Variants in GBA2 observed in about 807,000 individuals in gnomAD.
GBA2 encodes glucosylceramidase beta 2, also known as non-lysosomal glucosylceramidase.
In GBA2, 79 loss-of-function variants were observed where a neutral mutation model predicts 112.9. That is an observed-to-expected ratio of 0.70 (90% CI 0.58 to 0.84). The LOEUF is 0.84. GBA2 is among the 40% of genes least tolerant of loss of function. The pLI, the probability that GBA2 is intolerant of heterozygous loss-of-function variation, is 0.00. For missense variants in GBA2, 1,043 were observed against 1,190.0 expected (o/e 0.88, Z 1.82); for synonymous variants, 403 against 434.3 (o/e 0.93, Z 0.90).
rs780552477 is a variant in GBA2 at position 35,737,911 on chromosome 9, G to T, written c.2342C>A (p.Ala781Asp). The change falls in exon 16 of 17, where the codon GCT becomes GAT. Residue 781 changes from alanine to aspartate, a missense_variant. Ala to Asp is a moderately radical substitution (Grantham distance 126). Transcript: ENST00000378103. The surrounding 1 kb of genome is among the most constrained non-coding windows in gnomAD (Gnocchi z 4.1). ...GTTCAGCTCAAAGATAGTTTGGAGA[G>T]CACGGACCACATGTTGGGTAGGAAA... ...EVFPTQHVVRALQTIFELNVQ... is the reference protein window; with the variant it reads ...EVFPTQHVVRDLQTIFELNVQ... The T allele has an allele frequency of 6.2e-7, 1 of 1,612,458 alleles. No homozygotes were observed. Among genetic ancestry groups the T allele is most frequent in the Non-Finnish European group, 8.5e-7 (1 of 1,179,690 alleles).
Position 35,740,131 on chromosome 9 carries a change from G to A in GBA2, c.1284-8C>T. 6.2e-7 allele frequency: 1 copy of A among 1,614,088 alleles called. No individual in the cohort carries two copies. The highest frequency in any genetic ancestry group is 8.5e-7 in the Non-Finnish European group (1 of 1,179,988). ...AAGAACCTTGTATACCGCCTGGGGT[G>A]GGAAGGGGAAGGATGAACACAAGCC... On this transcript the variant is annotated splice_region_variant and splice_polypyrimidine_tract_variant and intron_variant, in intron 7 of 16. Coordinates refer to ENST00000378103, the MANE Select transcript of GBA2 (RefSeq NM_020944.3). This position sits in a 1 kb window ranked among gnomAD's most constrained non-coding sequence, Gnocchi z 4.7.
rs968659399 is a variant in GBA2 at position 35,741,295 on chromosome 9, C to T, written c.787-231G>A. ...GGAAGCCAGTGTGATGTTCATGGCT[C>T]CAACCTCCCTTTCACAGGCCATGCA... On this transcript the variant is annotated intron_variant, in intron 4 of 16. Transcript: ENST00000378103. This position sits in a 1 kb window ranked among gnomAD's most constrained non-coding sequence, Gnocchi z 4.6. The T allele has an allele frequency of 1.7e-5, 10 of 573,228 alleles. No homozygotes were observed. Among genetic ancestry groups the T allele is most frequent in the Admixed American group, 3.2e-5 (1 of 30,990 alleles). 35.5% of individuals were successfully genotyped at this position (573,228 alleles called of 1,614,324 possible). A position where few individuals can be genotyped will look rare whatever the true frequency, so the allele number is the denominator to read the frequency against.
At chr9:35,738,709 A>G (rs759061625) in intron 12 of GBA2, 43 bp downstream of exon 12, 3 of 1,610,900 alleles carry the variant, frequency 1.9e-6, no homozygotes, top group African/African-American at 2.7e-5. Flanking sequence ...CCAGACACCA[A>G]CCATACCCCT....
At chr9:35,747,145 C>G (rs966494142) in intron 1 of GBA2, among the ~76,000 whole-genome samples, 1 of 152,106 alleles carries the variant, frequency 6.6e-6, no homozygotes, top group African/African-American at 2.4e-5. Context: ...TATCAGTACC[C>G]CCCACTCTAT....
In GBA2 at chr9:35,737,369, T is replaced by C; in HGVS notation, c.2584A>G (p.Thr862Ala). 1 of 1,613,976 alleles carries C rather than the reference T, an allele frequency of 6.2e-7. No homozygotes were observed. Among genetic ancestry groups the C allele is most frequent in the Non-Finnish European group, 8.5e-7 (1 of 1,179,982 alleles). The change falls in exon 17 of 17, where the codon ACC (threonine) becomes GCC (alanine). Residue 862 changes from threonine to alanine, a missense_variant. Transcript: ENST00000378103. This position sits in a 1 kb window ranked among gnomAD's most constrained non-coding sequence, Gnocchi z 4.1. ...CGCTGCTGGCAGTATGCCTCTGGGG[T>C]CTGGAAGGCCAGACCCAGGCGCTCC... ...VWERLGLAFQ[T>A]PEAYCQQRVF... is the part of the protein sequence containing the mutation.
rs373773944 is a variant in GBA2 at position 35,740,954 on chromosome 9, G to A, written c.897C>T (p.Asp299=). ...FSMRNGLGGG[D]DAPGGLWNEP... ...CATTCCACAAACCCCCTGGGGCATC[G>A]TCTCCACCACCCAGTCCATTCCGCA... Residue 299 remains aspartate, a synonymous_variant, in exon 5 of 17, where the codon GAC becomes GAT. Coordinates refer to ENST00000378103, the MANE Select transcript of GBA2 (RefSeq NM_020944.3). The surrounding 1 kb of genome is among the most constrained non-coding windows in gnomAD (Gnocchi z 4.7). 21 of 1,614,014 alleles carry A rather than the reference G, an allele frequency of 1.3e-5. No individual in the cohort carries two copies. The highest frequency in any genetic ancestry group is 9.3e-5 in the African/African-American group (7 of 74,910).
In GBA2 at chr9:35,738,047, C is replaced by T. The variant is rs772024917; in HGVS notation, c.2303G>A (p.Gly768Glu). The T allele has an allele frequency of 6.2e-7, 1 of 1,609,050 alleles. No individual in the cohort carries two copies. Among genetic ancestry groups the T allele is most frequent in the East Asian group, 2.2e-5 (1 of 44,750 alleles). ...CTCCTCCTCTCTCACCTCAGTGTCT[C>T]CTTCTCCTAGGCCACAGGCCTTCAG... ...WFLKACGLGE[G>E]DTEVFPTQHV... Residue 768 changes from glycine to glutamate, a missense_variant, in exon 15 of 17, where the codon GGA (glycine) becomes GAA (glutamate). Gly to Glu is a moderately conservative substitution (Grantham distance 98, BLOSUM62 -2). Coordinates refer to ENST00000378103, the MANE Select transcript of GBA2 (RefSeq NM_020944.3).
At position 35,739,054 on chromosome 9, in the gene GBA2, C is replaced by T. The variant is rs1466976745; in HGVS notation, c.1743G>A (p.Val581=). 1.9e-6 allele frequency: 3 copies of T among 1,613,642 alleles called. No homozygotes were observed. The highest frequency in any genetic ancestry group is 2.7e-5 in the African/African-American group (2 of 74,874). Residue 581 remains valine, a synonymous_variant, in exon 11 of 17, where the codon GTG becomes GTA. Transcript: ENST00000378103. The part of the protein sequence containing the change: ...LTRRRYLMSG[V]MAPVKRRNVI... ...CGTTCCTCCTTTTCACAGGTGCCAT[C>T]ACCCCACTCATCAGGTACCGTCGCC... is the stretch of plus-strand genomic sequence containing the variant.
Position 35,741,268 on chromosome 9 carries a change from T to C in GBA2, c.787-204A>G, listed in dbSNP as rs963245866. ...ACCAGAACCAGTTGGGCGGTGGTTCTGGGAAGCCAGTGTGATGTTCATGGC... is the reference window on the plus strand; with the variant it reads ...ACCAGAACCAGTTGGGCGGTGGTTCCGGGAAGCCAGTGTGATGTTCATGGC... On this transcript the variant is annotated intron_variant, in intron 4 of 16. Coordinates refer to ENST00000378103, the MANE Select transcript of GBA2 (RefSeq NM_020944.3). This position sits in a 1 kb window ranked among gnomAD's most constrained non-coding sequence, Gnocchi z 4.6. 1.7e-6 allele frequency: 1 copy of C among 596,814 alleles called. No homozygotes were observed. The highest frequency in any genetic ancestry group is 2.9e-6 in the Non-Finnish European group (1 of 341,880). The allele number at this position is 596,814 out of a possible 1,614,324, so 37.0% of individuals were successfully genotyped here.
chr9:35,746,919 C>T lies in GBA2; in HGVS notation c.359+1427G>A, dbSNP rs1300028150. Among the ~76,000 whole-genome samples the T allele has an allele frequency of 6.6e-6, 1 of 152,148 alleles. No individual in the cohort carries two copies. The highest frequency in any genetic ancestry group is 1.5e-5 in the Non-Finnish European group (1 of 68,030). ...AAATTGAGTTCTTACGAAGGTAAGACCCAGAGAATTCTGTCTTGCTAGAGC... is the reference window on the plus strand; with the variant it reads ...AAATTGAGTTCTTACGAAGGTAAGATCCAGAGAATTCTGTCTTGCTAGAGC... On this transcript the variant is annotated intron_variant, in intron 1 of 16. Transcript: ENST00000378103. This position sits in a 1 kb window ranked among gnomAD's most constrained non-coding sequence, Gnocchi z 5.2.
rs201873151 is a variant in GBA2, at chr9:35,740,376, A to T, written c.1130-14T>A. 3.5e-5 allele frequency: 57 copies of T among 1,611,500 alleles called. No homozygotes were observed. The highest frequency in any genetic ancestry group is 4.7e-5 in the Non-Finnish European group (55 of 1,179,536). ...GGGTGCTTTGGCCTGAGAGAAACAC[A>T]AGAGAATTCAGGACAGGAGCCCCTT... is the stretch of plus-strand genomic sequence containing the variant. On this transcript the variant is annotated splice_polypyrimidine_tract_variant and intron_variant, in intron 6 of 16. Transcript: ENST00000378103. The surrounding 1 kb of genome is among the most constrained non-coding windows in gnomAD (Gnocchi z 4.7).
At position 35,748,448 on chromosome 9, in the gene GBA2, C is replaced by T. The variant is rs1827108980; in HGVS notation, c.257G>A (p.Trp86Ter). The change falls in exon 1 of 17, where the codon TGG becomes TAG. Residue 86 changes from tryptophan (W) to a stop codon, truncating the protein, a stop_gained. Coordinates refer to ENST00000378103, the MANE Select transcript of GBA2 (RefSeq NM_020944.3). LOFTEE classifies it high-confidence loss of function. ...AMGYQVPPFG[W>*]RICLAHEFTE... is the part of the protein sequence containing the mutation. ...AAACTCATGAGCCAGACAGATGCGC[C>T]AGCCAAAGGGAGGCACCTGGTAGCC... is the stretch of plus-strand genomic sequence containing the variant. 2 of 1,614,028 alleles carry T rather than the reference C, an allele frequency of 1.2e-6. No homozygotes were observed. Among genetic ancestry groups the T allele is most frequent in the Admixed American group, 1.7e-5 (1 of 60,006 alleles).
At chr9:35,739,844 C>A in intron 8 of GBA2, 44 bp from the exon 9 acceptor site, 1 of 1,590,884 alleles carries the variant, frequency 6.3e-7, no homozygotes, top group Non-Finnish European at 8.6e-7. Flanking sequence ...ACATGTACCT[C>A]CCAAGATGGA....
rs1446490521 is a variant in GBA2, at chr9:35,740,993, G to A, written c.858C>T (p.Ser286=). Residue 286 remains serine, a synonymous_variant, in exon 5 of 17, where the codon TCC becomes TCT. Transcript: ENST00000378103. This position sits in a 1 kb window ranked among gnomAD's most constrained non-coding sequence, Gnocchi z 4.7. ...ENEGDEALDV[S]IMFSMRNGLG... The stretch of plus-strand genomic sequence containing the variant: ...GTCCATTCCGCATGGAGAACATGAT[G>A]GACACATCTAGAGCTTCGTCCCCTT... 2 of 1,613,990 alleles carry A rather than the reference G, an allele frequency of 1.2e-6. No individual in the cohort carries two copies. The highest frequency in any genetic ancestry group is 1.7e-6 in the Non-Finnish European group (2 of 1,179,850).
At position 35,746,354 on chromosome 9, in the gene GBA2, C is replaced by T. The variant is rs1352611729; in HGVS notation, c.360-1648G>A. 2.0e-5 allele frequency among the ~76,000 whole-genome samples: 3 copies of T among 152,102 alleles called. No individual in the cohort carries two copies. The highest frequency in any genetic ancestry group is 7.2e-5 in the African/African-American group (3 of 41,402). On this transcript the variant is annotated intron_variant, in intron 1 of 16. Coordinates refer to ENST00000378103, the MANE Select transcript of GBA2 (RefSeq NM_020944.3). This position sits in a 1 kb window ranked among gnomAD's most constrained non-coding sequence, Gnocchi z 5.2. The stretch of plus-strand genomic sequence containing the variant: ...CTGTAATCCCAGCACTTTGAGAGGC[C>T]GAGGTGGGCGGATCACGTGAGGTCA...
chr9:35,739,203 A>G, intron 10 of GBA2, 94 bp from the exon 11 acceptor site: 2 of 1,006,562 alleles, frequency 2.0e-6, no homozygotes, highest in Non-Finnish European at 3.1e-6. Context: ...ACCAGTAAGC[A>G]GCATGCAGAT....
In GBA2 at chr9:35,737,236, C is replaced by G. The variant is rs762468037; in HGVS notation, c.2717G>C (p.Gly906Ala). ...KKASWPKVKQ[G>A]TGLRTGPMFG... Reference sequence around the variant, plus strand: ...CATAGGCCCTGTCCTTAGTCCTGTGCCCTGTTTGACTTTTGGCCAGGAGGC... The same window carrying G: ...CATAGGCCCTGTCCTTAGTCCTGTGGCCTGTTTGACTTTTGGCCAGGAGGC... The change falls in exon 17 of 17, where the codon GGC becomes GCC. Residue 906 changes from glycine (G) to alanine (A), a missense_variant. By Grantham distance (60) the Gly-to-Ala change is moderately conservative (BLOSUM62 0). Coordinates refer to ENST00000378103, the MANE Select transcript of GBA2 (RefSeq NM_020944.3). This position sits in a 1 kb window ranked among gnomAD's most constrained non-coding sequence, Gnocchi z 4.1. 5.0e-6 allele frequency: 8 copies of G among 1,613,612 alleles called. No individual in the cohort carries two copies. In the East Asian group the frequency reaches 1.8e-4, roughly 36 times the overall value.
chr9:35,737,334 G>A lies in GBA2; in HGVS notation c.2619C>T (p.Arg873=). ...PEAYCQQRVF[R]SLAYMRPLSI... ...TCAGTGGCCGCATGTAGGCCAGTGA[G>A]CGGAACACTCGCTGCTGGCAGTATG... The change falls in exon 17 of 17, where the codon CGC becomes CGT. Residue 873 remains arginine (R), a synonymous_variant. Transcript: ENST00000378103. The surrounding 1 kb of genome is among the most constrained non-coding windows in gnomAD (Gnocchi z 4.1). 6.2e-7 allele frequency: 1 copy of A among 1,614,172 alleles called. No individual in the cohort carries two copies. Among genetic ancestry groups the A allele is most frequent in the Non-Finnish European group, 8.5e-7 (1 of 1,180,042 alleles).
At chr9:35,739,257 AG>A in intron 10 of GBA2, 57 bp downstream of exon 10, 1 of 1,208,738 alleles carries the variant, frequency 8.3e-7, no homozygotes, top group Non-Finnish European at 1.2e-6. Context: ...GAGGGACCAC[AG>A]AAGTTCGGGG....
Sources: gnomAD v4.1 joint callset for allele counts (sites outside exome capture counted in the v4.1 genomes callset) on GRCh38, gnomAD v4.1.1 for gene constraint, Gnocchi (gnomAD v3.1) non-coding constraint, MANE v1.5 for transcripts, NCBI Gene and HGNC (gene_info 2026-07-23, HGNC 2026-07-21) for gene names.